MYT1: variants seen among roughly 807,000 people sequenced by gnomAD.
The protein encoded by MYT1 is myelin transcription factor I.
A neutral mutation model predicts 123.0 loss-of-function variants in MYT1; 23 were observed. The ratio of observed to expected loss-of-function variants is 0.19; its 90% confidence interval spans 0.13 to 0.26. MYT1 has a LOEUF of 0.26. MYT1 is among the 10% of genes least tolerant of loss of function. The probability of loss-of-function intolerance (pLI) is 1.00; values close to 1 mark genes in which losing one functional copy is unlikely to be tolerated. For missense variants in MYT1, 1,125 were observed against 1,472.5 expected (o/e 0.76, Z 3.86); for synonymous variants, 518 against 575.3 (o/e 0.90, Z 1.43).
intron 1 of MYT1, among the ~76,000 whole-genome samples, chr20:64,169,375 C>T (rs756443602): frequency 2.6e-5 from 4 of 152,230 alleles, no homozygotes; most frequent in Admixed American, 6.5e-5. Context: ...CTTGTCAAAG[C>T]GCTTGGGTCT....
rs559005512 is a variant in MYT1 at position 64,210,244 on chromosome 20, G to A, written c.1292-962G>A. Among the ~76,000 whole-genome samples the A allele has an allele frequency of 1.8e-4, 27 of 152,324 alleles. 1 individual carries two copies. The highest frequency in any genetic ancestry group is 1.2e-3 in the Admixed American group (18 of 15,306). On this transcript the variant is annotated intron_variant, in intron 7 of 22. Transcript: ENST00000328439. ...CATGGACCCAAAGGGACACGGCCCC[G>A]GGTGACACAGGTGGCCAAGCTGAGA...
At chr20:64,216,014 C>T (rs530578645) in intron 10 of MYT1, among the ~76,000 whole-genome samples, 5 of 152,304 alleles carry the variant, frequency 3.3e-5, no homozygotes, top group Non-Finnish European at 7.4e-5. Flanking sequence ...GGAGAAAACA[C>T]CCACGTCCTG....
intron 18 of MYT1, among the ~76,000 whole-genome samples, chr20:64,230,483 G>A (rs369343654): frequency 2.0e-5 from 3 of 152,136 alleles, no homozygotes; most frequent in Non-Finnish European, 2.9e-5. Flanking sequence ...ACTGCACTCC[G>A]GCCTGGGCAA....
intron 6 of MYT1, among the ~76,000 whole-genome samples, chr20:64,206,204 G>T (rs1983485412): frequency 6.6e-6 from 1 of 152,174 alleles, no homozygotes; most frequent in Admixed American, 6.5e-5. Flanking sequence ...TGGGAGACCT[G>T]CCTGGGGGCA....
rs1211819227 is a variant in MYT1 at position 64,168,963 on chromosome 20, C to T, written c.-99+4224C>T. On this transcript the variant is annotated intron_variant, in intron 1 of 22. Coordinates refer to ENST00000328439, the MANE Select transcript of MYT1 (RefSeq NM_004535.3). This position sits in a 1 kb window ranked among gnomAD's most constrained non-coding sequence, Gnocchi z 6.1. ...CTCACGCCTGGCTTCACACCTCCATCGTGTTCAACACTGGTCTGAGGGCTG... is the reference window on the plus strand; with the variant it reads ...CTCACGCCTGGCTTCACACCTCCATTGTGTTCAACACTGGTCTGAGGGCTG... 6.6e-6 allele frequency among the ~76,000 whole-genome samples: 1 copy of T among 152,230 alleles called. No homozygotes were observed. The highest frequency in any genetic ancestry group is 1.5e-5 in the Non-Finnish European group (1 of 68,028).
At chr20:64,182,812 T>C (rs1281349929) in intron 1 of MYT1, among the ~76,000 whole-genome samples, 1 of 152,148 alleles carries the variant, frequency 6.6e-6, no homozygotes. Context: ...TGCTGGGACC[T>C]CCTGCCCTAG....
At chr20:64,204,421 C>T (rs995951824) in intron 4 of MYT1, among the ~76,000 whole-genome samples, 1 of 152,208 alleles carries the variant, frequency 6.6e-6, no homozygotes, top group Non-Finnish European at 1.5e-5. Flanking sequence ...GCTGTTGGTT[C>T]CTGGTTCACG....
At chr20:64,198,382 G>A (rs1429950676) in intron 2 of MYT1, among the ~76,000 whole-genome samples, 2 of 149,956 alleles carry the variant, frequency 1.3e-5, no homozygotes, top group Non-Finnish European at 3.0e-5. Context: ...GGGGTCAGAA[G>A]CCACTGGACG....
chr20:64,195,036 C>T (rs918905355), intron 2 of MYT1, among the ~76,000 whole-genome samples: 6 of 152,132 alleles, frequency 3.9e-5, no homozygotes, highest in Non-Finnish European at 7.4e-5. Flanking sequence ...GCTGGGACTA[C>T]AGGCGGCCGC....
At chr20:64,197,240 A>G (rs1016633722) in intron 2 of MYT1, among the ~76,000 whole-genome samples, 2 of 152,242 alleles carry the variant, frequency 1.3e-5, no homozygotes, top group East Asian at 1.9e-4. Flanking sequence ...AACAAATCAC[A>G]TACATCATTG....
In MYT1 at chr20:64,201,064, C is replaced by T. The variant is rs115635010; in HGVS notation, c.86+1142C>T. 3.4e-3 allele frequency among the ~76,000 whole-genome samples: 516 copies of T among 152,258 alleles called. 3 individuals carry two copies. Among genetic ancestry groups the T allele is most frequent in the African/African-American group, 0.012 (482 of 41,548 alleles). ...GGTGCCACGTGGAGTCGCCCAGGGA[C>T]ACGGTGGAGACAAAGACGGAGGAGA... On this transcript the variant is annotated intron_variant, in intron 4 of 22. Coordinates refer to ENST00000328439, the MANE Select transcript of MYT1 (RefSeq NM_004535.3).
chr20:64,237,431 C>T lies in MYT1; in HGVS notation c.3093+41C>T, dbSNP rs898705356. 9 of 1,457,106 alleles carry T rather than the reference C, an allele frequency of 6.2e-6. No homozygotes were observed. The African/African-American group carries it at 1.1e-4, about 18-fold the overall frequency. The allele number at this position is 1,457,106 out of a possible 1,614,324, so 90.3% of individuals were successfully genotyped here. A position where few individuals can be genotyped will look rare whatever the true frequency, so the allele number is the denominator to read the frequency against. Reference sequence around the variant, plus strand: ...CCCCGCTCCTGGGCTCTTTGCCCACCCAACCCAAACATTCGTCTTGGGGAC... The same window carrying T: ...CCCCGCTCCTGGGCTCTTTGCCCACTCAACCCAAACATTCGTCTTGGGGAC... On this transcript the variant is annotated intron_variant, in intron 21 of 22. Coordinates refer to ENST00000328439, the MANE Select transcript of MYT1 (RefSeq NM_004535.3).
At chr20:64,235,120 G>A (rs1387436835) in intron 19 of MYT1, among the ~76,000 whole-genome samples, 4 of 144,568 alleles carry the variant, frequency 2.8e-5, no homozygotes, top group Admixed American at 6.9e-5. Flanking sequence ...ACCCTGGGAT[G>A]GTCATGATGG....
intron 7 of MYT1, among the ~76,000 whole-genome samples, chr20:64,209,189 C>T (rs531975000): frequency 1.1e-4 from 16 of 152,078 alleles, no homozygotes; most frequent in East Asian, 5.8e-4. Flanking sequence ...GGTCTGAGGA[C>T]GAATCCTGAG....
At chr20:64,176,665 T>G (rs1392250822) in intron 1 of MYT1, among the ~76,000 whole-genome samples, 3 of 152,252 alleles carry the variant, frequency 2.0e-5, no homozygotes, top group Non-Finnish European at 4.4e-5. Flanking sequence ...TGTGTGTGTC[T>G]GCGTGGAGCA....
Position 64,219,023 on chromosome 20 carries a change from C to T in MYT1, c.1959C>T (p.Asp653=), listed in dbSNP as rs202159344. ...AGAACCTCAGCACGAAGCCACAGGA[C>T]CTCCCCAGCAAGGTTAGTACATCTG... ...MPENLSTKPQ[D]LPSKSVDIEV... is the part of the protein sequence containing the mutation. The change falls in exon 12 of 23, where the codon GAC becomes GAT. Residue 653 remains aspartate (D), a synonymous_variant. Transcript: ENST00000328439. 4,534 of 1,613,302 alleles carry T rather than the reference C, an allele frequency of 2.8e-3. 167 individuals carry two copies. The South Asian group carries it at 0.046, about 16-fold the overall frequency.
At position 64,165,602 on chromosome 20, in the gene MYT1, C is replaced by T. The variant is rs142108350; in HGVS notation, c.-99+863C>T. Among the ~76,000 whole-genome samples the T allele has an allele frequency of 7.2e-4, 109 of 152,270 alleles. 1 individual carries two copies. The highest frequency in any genetic ancestry group is 1.2e-3 in the Non-Finnish European group (84 of 68,028). ...TGGGTTCTCACTGCTCCTCCTGAGT[C>T]ACCAAGGGCTTTGCTTGTCTCAGCA... On this transcript the variant is annotated intron_variant, in intron 1 of 22. Coordinates refer to ENST00000328439, the MANE Select transcript of MYT1 (RefSeq NM_004535.3).
intron 3 of MYT1, among the ~76,000 whole-genome samples, chr20:64,199,454 C>T (rs1983224058): frequency 6.6e-6 from 1 of 152,214 alleles, no homozygotes; most frequent in South Asian, 2.1e-4. Flanking sequence ...ATCTTGGCAG[C>T]CATCACTGAA....
Position 64,240,454 on chromosome 20 carries a change from GTGGTACC to G in MYT1, c.*7_*13del. The G allele has an allele frequency of 1.2e-6, 2 of 1,611,268 alleles. No individual in the cohort carries two copies. The highest frequency in any genetic ancestry group is 1.7e-6 in the Non-Finnish European group (2 of 1,179,138). On this transcript the variant is annotated 3_prime_UTR_variant, in exon 23 of 23. Coordinates refer to ENST00000328439, the MANE Select transcript of MYT1 (RefSeq NM_004535.3). ...TGAGGGGCATCCAGGTCTAGGCCGT[GTGGTACC>G]CAGAAGTGTCCCAGCCCACCACACC...
Sources: gnomAD v4.1 joint callset for allele counts (sites outside exome capture counted in the v4.1 genomes callset) on GRCh38, gnomAD v4.1.1 for gene constraint, Gnocchi (gnomAD v3.1) non-coding constraint, MANE v1.5 for transcripts, NCBI Gene and HGNC (gene_info 2026-07-23, HGNC 2026-07-21) for gene names.